Variants in GPRASP2 observed in about 807,000 individuals in gnomAD.
GPRASP2 encodes the protein G protein-coupled receptor-associated sorting protein 2.
A neutral mutation model predicts 36.0 loss-of-function variants in GPRASP2; 10 were observed. The ratio of observed to expected loss-of-function variants is 0.28; its 90% CI spans 0.17 to 0.47. GPRASP2 has a LOEUF of 0.47. Among genes scored for constraint, GPRASP2 ranks in the 20% least tolerant of loss-of-function variants. The probability of loss-of-function intolerance (pLI) is 0.99; values close to 1 mark genes in which losing one functional copy is unlikely to be tolerated. For missense variants in GPRASP2, 538 were observed against 626.7 expected (o/e 0.86, Z 1.51); for synonymous variants, 219 against 230.5 (o/e 0.95, Z 0.45).
chrX:102,715,982 C>T lies in GPRASP2; in HGVS notation c.1113C>T (p.Asp371=). 1 of 1,210,845 alleles carries T rather than the reference C, an allele frequency of 8.3e-7. No homozygotes were observed. The highest frequency in any genetic ancestry group is 3.0e-5 in the East Asian group (1 of 33,825). ...ALKLRAQKDV[D]SDRVKQEPRF... The stretch of plus-strand genomic sequence containing the variant: ...AACTCAGGGCCCAGAAAGATGTTGA[C>T]AGTGATAGGGTCAAACAAGAACCCA... Residue 371 remains aspartate (D), a synonymous_variant, in exon 5 of 5, where the codon GAC becomes GAT. Coordinates refer to ENST00000483720, the MANE Select transcript of GPRASP2 (RefSeq NM_001004051.4).
chrX:102,717,657 C>G lies in GPRASP2; in HGVS notation c.*271C>G, dbSNP rs1602578425. On this transcript the variant is annotated 3_prime_UTR_variant, in exon 5 of 5. Transcript: ENST00000483720. ...GAACTGTGTCACCTAAGTAAGCTAC[C>G]CTGCTATTCGTTGTTTAAATATATG... The G allele has an allele frequency of 4.0e-6, 1 of 248,250 alleles. No individual in the cohort carries two copies. The highest frequency in any genetic ancestry group is 7.3e-6 in the Non-Finnish European group (1 of 137,858). 20.5% of individuals were successfully genotyped at this position (248,250 alleles called of 1,213,427 possible). A position where few individuals can be genotyped will look rare whatever the true frequency, so the allele number is the denominator to read the frequency against.
At position 102,715,860 on chromosome X, in the gene GPRASP2, G is replaced by C. The variant is rs1312219394; in HGVS notation, c.991G>C (p.Glu331Gln). The change falls in exon 5 of 5, where the codon GAA (glutamate) becomes CAA (glutamine). Residue 331 changes from glutamate to glutamine, a missense_variant. By Grantham distance (29) the Glu-to-Gln change is conservative. Around this residue, in one of 2 missense-constraint regions of GPRASP2, gnomAD observed 276 missense variants for 275.0 expected, o/e 1.00. Coordinates refer to ENST00000483720, the MANE Select transcript of GPRASP2 (RefSeq NM_001004051.4). The stretch of plus-strand genomic sequence containing the variant: ...AGAAGATTGTTTTGAATCTGAGTCT[G>C]AAGATGAGTTCTATAAGCAGTCCTG... The part of the protein sequence containing the change: ...NREDCFESES[E>Q]DEFYKQSWVL... 1 of 1,212,023 alleles carries C rather than the reference G, an allele frequency of 8.3e-7. No homozygotes were observed. Among genetic ancestry groups the C allele is most frequent in the East Asian group, 3.0e-5 (1 of 33,852 alleles).
chrX:102,715,294 CAGA>C lies in GPRASP2; in HGVS notation c.428_430del (p.Glu143del), dbSNP rs2081945936. On this transcript the variant is annotated inframe_deletion, in exon 5 of 5. Coordinates refer to ENST00000483720, the MANE Select transcript of GPRASP2 (RefSeq NM_001004051.4). ...TTTGGGACTGAAGCAGTGTCACAGG[CAGA>C]AGGAGTGTCCCAGACTAATGCCGTT... 5 of 1,211,547 alleles carry C rather than the reference CAGA, an allele frequency of 4.1e-6. No homozygotes were observed. The highest frequency in any genetic ancestry group is 3.0e-5 in the East Asian group (1 of 33,800).
Position 102,715,356 on chromosome X carries a change from G to A in GPRASP2, c.487G>A (p.Val163Ile), listed in dbSNP as rs775665773. ...ACTGGCCACTGCTGAGTCTGGATCA[G>A]TTACTAAATCTAAGGGCCTGTCTAT... is the stretch of plus-strand genomic sequence containing the variant. ...WPLATAESGS[V>I]TKSKGLSMDR... The change falls in exon 5 of 5, where the codon GTT becomes ATT. Residue 163 changes from valine to isoleucine, a missense_variant. This residue lies in a region of GPRASP2 where 276 missense variants were observed against 275.0 expected (regional missense o/e 1.00). Coordinates refer to ENST00000483720, the MANE Select transcript of GPRASP2 (RefSeq NM_001004051.4). The A allele has an allele frequency of 1.6e-6, 2 of 1,212,441 alleles. No individual in the cohort carries two copies. Among genetic ancestry groups the A allele is most frequent in the Admixed American group, 2.2e-5 (1 of 46,158 alleles).
In GPRASP2 at chrX:102,715,948, C is replaced by T. The variant is rs754790157; in HGVS notation, c.1079C>T (p.Thr360Ile). 4.1e-6 allele frequency: 5 copies of T among 1,211,685 alleles called. No individual in the cohort carries two copies. In the Admixed American group the frequency reaches 8.7e-5, roughly 21 times the overall value. ...FRHRDKEDPN[T>I]ALKLRAQKDV... ...CACAGAGACAAAGAAGATCCTAATA[C>T]TGCCTTGAAACTCAGGGCCCAGAAA... The change falls in exon 5 of 5, where the codon ACT becomes ATT. Residue 360 changes from threonine (T) to isoleucine (I), a missense_variant. Transcript: ENST00000483720.
At position 102,716,760 on chromosome X, in the gene GPRASP2, C is replaced by T. The variant is rs748760002; in HGVS notation, c.1891C>T (p.Arg631Ter). The change falls in exon 5 of 5, where the codon CGA (arginine) becomes TGA (stop). Residue 631 changes from arginine to a stop codon, truncating the protein, a stop_gained. Transcript: ENST00000483720. LOFTEE classifies it high-confidence loss of function. ...MGMRSASQFT[R>*]DFIRDSGVVS... ...TATGAGAAGTGCTTCTCAATTTACC[C>T]GAGATTTCATTCGAGATTCAGGTGT... 3.3e-6 allele frequency: 4 copies of T among 1,211,892 alleles called. No homozygotes were observed. The highest frequency in any genetic ancestry group is 3.3e-6 in the Non-Finnish European group (3 of 895,563).
chrX:102,716,819 A>G lies in GPRASP2; in HGVS notation c.1950A>G (p.Pro650=). Residue 650 remains proline, a synonymous_variant, in exon 5 of 5, where the codon CCA becomes CCG. Transcript: ENST00000483720. ...TTATTGAAACCTTGCTTAATTATCC[A>G]TCCTCTAGAGTTAGGACAAGTTTTT... The part of the protein sequence containing the change: ...VSLIETLLNY[P]SSRVRTSFLE... 2 of 1,212,036 alleles carry G rather than the reference A, an allele frequency of 1.7e-6. No homozygotes were observed. Among genetic ancestry groups the G allele is most frequent in the Non-Finnish European group, 2.2e-6 (2 of 895,628 alleles).
chrX:102,717,333 C>G lies in GPRASP2; in HGVS notation c.2464C>G (p.Leu822Val). ...TGAATTTGAGGAGTTAGCTAAGCAA[C>G]TACAAGCCCAAATAGACAACCAAAA... ...FREFEELAKQ[L>V]QAQIDNQNDP... Residue 822 changes from leucine to valine, a missense_variant, in exon 5 of 5, where the codon CTA (leucine) becomes GTA (valine). By Grantham distance (32) the Leu-to-Val change is conservative. Around this residue, in one of 2 missense-constraint regions of GPRASP2, gnomAD observed 262 missense variants for 351.7 expected, o/e 0.74. Transcript: ENST00000483720. The G allele has an allele frequency of 1.8e-6, 2 of 1,092,551 alleles. No individual in the cohort carries two copies. The highest frequency in any genetic ancestry group is 2.4e-6 in the Non-Finnish European group (2 of 836,610). The allele number at this position is 1,092,551 out of a possible 1,213,427, so 90.0% of individuals were successfully genotyped here.
chrX:102,714,843 T>C lies in GPRASP2; in HGVS notation c.-27T>C. The C allele has an allele frequency of 1.7e-6, 2 of 1,192,749 alleles. No individual in the cohort carries two copies. The highest frequency in any genetic ancestry group is 3.8e-5 in the South Asian group (2 of 53,243). On this transcript the variant is annotated 5_prime_UTR_variant, in exon 5 of 5. Transcript: ENST00000483720. The stretch of plus-strand genomic sequence containing the variant: ...GGTTTAGACTACGGGAGGAGTATAT[T>C]ACCTGACTTTCTTTGTAACTTGTAC...
At chrX:102,713,459 C>G (rs889846803) in intron 2 of GPRASP2, among the ~76,000 whole-genome samples, 1 of 113,056 alleles carries the variant, frequency 8.8e-6, no homozygotes, top group African/African-American at 3.2e-5. Context: ...AATTCACAAC[C>G]TGTTTTCTAG....
chrX:102,717,654 T>G lies in GPRASP2; in HGVS notation c.*268T>G. 1 of 252,503 alleles carries G rather than the reference T, an allele frequency of 4.0e-6. No individual in the cohort carries two copies. The highest frequency in any genetic ancestry group is 6.9e-5 in the Admixed American group (1 of 14,471). The allele number at this position is 252,503 out of a possible 1,213,427, so 20.8% of individuals were successfully genotyped here. On this transcript the variant is annotated 3_prime_UTR_variant, in exon 5 of 5. Transcript: ENST00000483720. Reference sequence around the variant, plus strand: ...AATGAACTGTGTCACCTAAGTAAGCTACCCTGCTATTCGTTGTTTAAATAT... The same window carrying G: ...AATGAACTGTGTCACCTAAGTAAGCGACCCTGCTATTCGTTGTTTAAATAT...
chrX:102,717,685 T>A lies in GPRASP2; in HGVS notation c.*299T>A, dbSNP rs984839302. ...GCTATTCGTTGTTTAAATATATGGT[T>A]CTCTATTTGAGTCTGTGTTTTCAAT... On this transcript the variant is annotated 3_prime_UTR_variant, in exon 5 of 5. Coordinates refer to ENST00000483720, the MANE Select transcript of GPRASP2 (RefSeq NM_001004051.4). 1 of 200,422 alleles carries A rather than the reference T, an allele frequency of 5.0e-6. No individual in the cohort carries two copies. The highest frequency in any genetic ancestry group is 2.9e-4 in the South Asian group (1 of 3,403). 16.5% of individuals were successfully genotyped at this position (200,422 alleles called of 1,213,427 possible).
Position 102,715,383 on chromosome X carries a change from G to C in GPRASP2, c.514G>C (p.Asp172His), listed in dbSNP as rs764068856. Residue 172 changes from aspartate (D) to histidine (H), a missense_variant, in exon 5 of 5, where the codon GAT (aspartate) becomes CAT (histidine). Asp to His is a moderately conservative substitution (Grantham distance 81, BLOSUM62 -1). Coordinates refer to ENST00000483720, the MANE Select transcript of GPRASP2 (RefSeq NM_001004051.4). Reference protein sequence around the residue: ...SVTKSKGLSMDRELVNVDAET... With the variant: ...SVTKSKGLSMHRELVNVDAET... ...TACTAAATCTAAGGGCCTGTCTATG[G>C]ATAGAGAACTAGTCAATGTGGATGC... is the stretch of plus-strand genomic sequence containing the variant. 4.9e-6 allele frequency: 6 copies of C among 1,212,403 alleles called. No individual in the cohort carries two copies. Among genetic ancestry groups the C allele is most frequent in the Admixed American group, 2.2e-5 (1 of 46,137 alleles).
chrX:102,713,244 A>T (rs1387172199), intron 2 of GPRASP2, 27 bp downstream of exon 2: 3 of 111,932 alleles, frequency 2.7e-5, no homozygotes, highest in Non-Finnish European at 5.6e-5. Context: ...GTTGGGCGCT[A>T]AACACTGATT....
rs1421854588 is a variant in GPRASP2, at chrX:102,716,397, T to A, written c.1528T>A (p.Ser510Thr). 8.3e-7 allele frequency: 1 copy of A among 1,211,974 alleles called. No homozygotes were observed. The highest frequency in any genetic ancestry group is 3.0e-5 in the East Asian group (1 of 33,853). ...TCTTTTTCATGGGGTTGGCTTCCGA[T>A]CCACAAGCCCCTTTGGAATTCCCGA... ...PGLFHGVGFR[S>T]TSPFGIPEEA... is the part of the protein sequence containing the mutation. The change falls in exon 5 of 5, where the codon TCC becomes ACC. Residue 510 changes from serine (S) to threonine (T), a missense_variant. Ser to Thr is a moderately conservative substitution (Grantham distance 58, BLOSUM62 1). Transcript: ENST00000483720.
chrX:102,716,618 C>A lies in GPRASP2; in HGVS notation c.1749C>A (p.Ser583=), dbSNP rs138144817. The A allele has an allele frequency of 4.3e-5, 52 of 1,210,347 alleles. No homozygotes were observed. The East Asian group carries it at 1.1e-3, about 25-fold the overall frequency. Reference sequence around the variant, plus strand: ...AGAGTGCAGAGTCTGAGAGTTGGTCCTGCAGCTGCATACAATGTGAGCTGA... The same window carrying A: ...AGAGTGCAGAGTCTGAGAGTTGGTCATGCAGCTGCATACAATGTGAGCTGA... The part of the protein sequence containing the change: ...ARESAESESW[S]CSCIQCELKI... Residue 583 remains serine, a synonymous_variant, in exon 5 of 5, where the codon TCC becomes TCA. Transcript: ENST00000483720.
rs774063771 is a variant in GPRASP2 at position 102,714,259 on chromosome X, C to A, written c.-341C>A. The A allele has an allele frequency of 4.5e-5, 5 of 112,358 alleles. No individual in the cohort carries two copies. Among genetic ancestry groups the A allele is most frequent in the East Asian group, 5.6e-4 (2 of 3,549 alleles). 9.3% of individuals were successfully genotyped at this position (112,358 alleles called of 1,213,427 possible). A position where few individuals can be genotyped will look rare whatever the true frequency, so the allele number is the denominator to read the frequency against. On this transcript the variant is annotated 5_prime_UTR_variant, in exon 4 of 5. Transcript: ENST00000483720. ...AAAGGAGGGGGAAACTGCACCACAT[C>A]AGTGAAGGTTGGTATGAGAGCGGGT...
rs1314893533 is a variant in GPRASP2, at chrX:102,716,211, A to G, written c.1342A>G (p.Ile448Val). 8.3e-7 allele frequency: 1 copy of G among 1,209,663 alleles called. No homozygotes were observed. The highest frequency in any genetic ancestry group is 1.1e-6 in the Non-Finnish European group (1 of 895,231). Residue 448 changes from isoleucine to valine, a missense_variant, in exon 5 of 5, where the codon ATA becomes GTA. This residue lies in a region of GPRASP2 where 262 missense variants were observed against 351.7 expected (regional missense o/e 0.74). Transcript: ENST00000483720. ...CAAGCCGGAGTCTGAAGAAGAGGCCATATTTGGGTCCTGGTTCTGGGACAG... is the reference window on the plus strand; with the variant it reads ...CAAGCCGGAGTCTGAAGAAGAGGCCGTATTTGGGTCCTGGTTCTGGGACAG... ...EAKPESEEEAIFGSWFWDRDE... is the reference protein window; with the variant it reads ...EAKPESEEEAVFGSWFWDRDE...
rs1417983811 is a variant in GPRASP2 at position 102,713,389 on chromosome X, G to A, written c.-480+172G>A. On this transcript the variant is annotated intron_variant, in intron 2 of 4. Transcript: ENST00000483720. ...TGTCTCCCCCACCGTCCTAAACTGG[G>A]GGCATGAAAGGGTGGGCTTTGGAGG... Among the ~76,000 whole-genome samples, 5 of 112,171 alleles carry A rather than the reference G, an allele frequency of 4.5e-5. No homozygotes were observed. In the Admixed American group the frequency reaches 4.7e-4, roughly 10 times the overall value.
Sources: allele counts gnomAD v4.1 joint callset (sites outside exome capture counted in the v4.1 genomes callset), GRCh38; gene constraint gnomAD v4.1.1; regional missense constraint gnomAD v4.1.1; transcripts MANE v1.5; gene names NCBI Gene and HGNC (gene_info 2026-07-23, HGNC 2026-07-21).